CDH20: variants seen among roughly 807,000 people sequenced by gnomAD.
CDH20 encodes the protein cadherin-20.
CDH20 carries 29 observed loss-of-function variants against 74.2 expected under a neutral mutation model. The ratio of observed to expected loss-of-function variants is 0.39; its 90% CI spans 0.29 to 0.53. The LOEUF is 0.53. Ranked by LOEUF, CDH20 falls within the 20% of genes least tolerant of loss-of-function variation. CDH20 has a pLI of 0.69. For missense variants in CDH20, 988 were observed against 1,048.3 expected, an observed-to-expected ratio of 0.94 and a Z score of 0.79; for synonymous variants, 469 against 405.4, an observed-to-expected ratio of 1.16 and a Z score of -1.88.
At chr18:61,425,040 CCTCTCTCTCTCT>C (rs10535853) in intron 1 of CDH20, among the ~76,000 whole-genome samples, 29 of 134,738 alleles carry the variant, frequency 2.2e-4, no homozygotes, top group African/African-American at 3.6e-4. Context: ...CTTCCCCGCT[CCTCTCTCTCTCT>C]CTCTCTCTCT....
intron 1 of CDH20, among the ~76,000 whole-genome samples, chr18:61,391,271 TG>T (rs1448667173): frequency 6.6e-6 from 1 of 152,180 alleles, no homozygotes; most frequent in Non-Finnish European, 1.5e-5. Context: ...TACTGAATTT[TG>T]TTTACCTATT....
Position 61,398,769 on chromosome 18 carries a change from T to C in CDH20, c.-153+64942T>C, listed in dbSNP as rs1912066875. Among the ~76,000 whole-genome samples the C allele has an allele frequency of 2.0e-5, 3 of 152,156 alleles. No individual in the cohort carries two copies. The South Asian group carries it at 6.2e-4, about 32-fold the overall frequency. ...CACTCTACAGGAATCAATGGCATTG[T>C]CAGCATGGCCCAGTCACAAAGAAGC... On this transcript the variant is annotated intron_variant, in intron 1 of 11. Transcript: ENST00000262717.
chr18:61,535,677 A>G (rs1462718406), intron 7 of CDH20, among the ~76,000 whole-genome samples: 3 of 152,238 alleles, frequency 2.0e-5, no homozygotes, highest in Non-Finnish European at 4.4e-5. Flanking sequence ...ACAGGTGCCT[A>G]TAAATGTCCT....
chr18:61,533,389 T>G (rs142912326), intron 7 of CDH20, among the ~76,000 whole-genome samples: 205 of 152,296 alleles, frequency 1.3e-3, no homozygotes, highest in African/African-American at 4.9e-3. Flanking sequence ...CTCCCAGAGA[T>G]GTTGGAAAAA....
At chr18:61,339,812 C>G in intron 1 of CDH20, among the ~76,000 whole-genome samples, 1 of 151,586 alleles carries the variant, frequency 6.6e-6, no homozygotes, top group South Asian at 2.1e-4. Flanking sequence ...CTCAGCCTCC[C>G]AAGTAGCTGG....
At chr18:61,357,756 G>A (rs563582956) in intron 1 of CDH20, among the ~76,000 whole-genome samples, 2 of 152,100 alleles carry the variant, frequency 1.3e-5, no homozygotes, top group East Asian at 1.9e-4. Context: ...TTTTAAGTGG[G>A]TACATGACCC....
At chr18:61,344,181 CA>C (rs1193053210) in intron 1 of CDH20, among the ~76,000 whole-genome samples, 4 of 152,184 alleles carry the variant, frequency 2.6e-5, no homozygotes, top group African/African-American at 9.6e-5. Flanking sequence ...AGAGAATACA[CA>C]GGAAAGAGGA....
At chr18:61,403,116 G>A (rs529314517) in intron 1 of CDH20, among the ~76,000 whole-genome samples, 1 of 152,246 alleles carries the variant, frequency 6.6e-6, no homozygotes, top group South Asian at 2.1e-4. Context: ...AGTATGTACT[G>A]GCTTTCAATG....
At chr18:61,365,586 AC>A (rs1377856445) in intron 1 of CDH20, among the ~76,000 whole-genome samples, 5 of 152,174 alleles carry the variant, frequency 3.3e-5, no homozygotes, top group Non-Finnish European at 7.4e-5. Context: ...ACTCAAAACA[AC>A]CCCCTTCCGC....
At chr18:61,463,571 C>T (rs1457921074) in intron 1 of CDH20, among the ~76,000 whole-genome samples, 5 of 152,052 alleles carry the variant, frequency 3.3e-5, no homozygotes, top group African/African-American at 1.2e-4. Context: ...CTGAAACACA[C>T]CCTTTGGCTT....
chr18:61,471,730 T>A (rs781055297), intron 1 of CDH20, among the ~76,000 whole-genome samples: 4 of 152,200 alleles, frequency 2.6e-5, no homozygotes, highest in Non-Finnish European at 4.4e-5. Context: ...AGATCCCGTT[T>A]GTCGGAGCAT....
chr18:61,511,101 C>T (rs1443589100), intron 6 of CDH20, among the ~76,000 whole-genome samples: 1 of 124,442 alleles, frequency 8.0e-6, no homozygotes, highest in African/African-American at 3.1e-5. Context: ...ATCCTTCCAC[C>T]TCACCATCCT....
intron 1 of CDH20, among the ~76,000 whole-genome samples, chr18:61,406,740 A>G (rs1912342436): frequency 1.3e-5 from 2 of 152,214 alleles, no homozygotes; most frequent in Non-Finnish European, 2.9e-5. Context: ...AGGAAAGCGG[A>G]GGAATTCAGG....
chr18:61,497,538 T>C (rs550260798), intron 2 of CDH20, among the ~76,000 whole-genome samples: 2 of 152,292 alleles, frequency 1.3e-5, no homozygotes, highest in South Asian at 4.1e-4. Flanking sequence ...TGGAGGTCTG[T>C]AGGGAGTAGA....
intron 1 of CDH20, among the ~76,000 whole-genome samples, chr18:61,374,977 T>G (rs777256537): frequency 1.1e-4 from 17 of 152,158 alleles, no homozygotes; most frequent in Non-Finnish European, 7.4e-5. Context: ...TTAGATTAGT[T>G]GAAAGTTACT....
chr18:61,475,766 T>C (rs932440929), intron 1 of CDH20, among the ~76,000 whole-genome samples: 7 of 152,236 alleles, frequency 4.6e-5, no homozygotes, highest in African/African-American at 1.7e-4. Context: ...ATGTTTTCTC[T>C]TTTGTTATGC....
intron 1 of CDH20, among the ~76,000 whole-genome samples, chr18:61,365,381 G>A (rs114933179): frequency 0.015 from 2,253 of 152,236 alleles, 61 homozygotes; most frequent in African/African-American, 0.051. Flanking sequence ...AGATGCTATG[G>A]GTTTCTAAAT....
chr18:61,442,984 G>A (rs757525073), intron 1 of CDH20, among the ~76,000 whole-genome samples: 1 of 152,114 alleles, frequency 6.6e-6, no homozygotes, highest in Non-Finnish European at 1.5e-5. Context: ...AAGAGCGTAC[G>A]CATATTCATC....
chr18:61,550,525 T>C (rs117436235), intron 11 of CDH20, among the ~76,000 whole-genome samples: 11 of 152,364 alleles, frequency 7.2e-5, no homozygotes, highest in Non-Finnish European at 1.2e-4. Context: ...CTGAGTTTAC[T>C]TCAGAACAAA....
Sources: allele counts gnomAD v4.1 joint callset (sites outside exome capture counted in the v4.1 genomes callset), GRCh38; gene constraint gnomAD v4.1.1; transcripts MANE v1.5; gene names NCBI Gene and HGNC (gene_info 2026-07-23, HGNC 2026-07-21).